The following RNF216 variants were observed in gnomAD, a reference collection of about 807,000 sequenced individuals.
RNF216 encodes the protein E3 ubiquitin-protein ligase RNF216.
In RNF216, 72 loss-of-function variants were observed where a neutral mutation model predicts 110.8. The observed-to-expected ratio is 0.65, with a 90% CI of 0.54 to 0.79. RNF216 has a LOEUF of 0.79. Among genes scored for constraint, RNF216 ranks in the 30% least tolerant of loss-of-function variants. RNF216 has a pLI of 0.00. For synonymous variants in RNF216, 495 were observed against 407.5 expected (o/e 1.21, Z -2.59); for missense variants, 1,342 against 1,141.2 (o/e 1.18, Z -2.54).
chr7:5,678,350 G>C (rs939598998), intron 13 of RNF216, among the ~76,000 whole-genome samples: 3 of 152,204 alleles, frequency 2.0e-5, no homozygotes, highest in Admixed American at 1.3e-4. Flanking sequence ...TTCATAAACA[G>C]GATCAGAAGA....
chr7:5,766,149 G>T (rs866397089), intron 1 of RNF216, among the ~76,000 whole-genome samples: 1 of 151,794 alleles, frequency 6.6e-6, no homozygotes, highest in Admixed American at 6.6e-5. Flanking sequence ...AACTAGCTGC[G>T]CGGGGTGGCA....
At chr7:5,735,233 T>C (rs753056209) in intron 5 of RNF216, among the ~76,000 whole-genome samples, 9 of 152,140 alleles carry the variant, frequency 5.9e-5, no homozygotes, top group Non-Finnish European at 1.2e-4. Context: ...ACACTGCCCT[T>C]GGGGACTTGA....
rs1786569693 is a variant in RNF216, at chr7:5,624,225, C to T, written c.2383-100G>A. 4 of 976,214 alleles carry T rather than the reference C, an allele frequency of 4.1e-6. No homozygotes were observed. Among genetic ancestry groups the T allele is most frequent in the Non-Finnish European group, 6.3e-6 (4 of 639,684 alleles). 60.5% of individuals were successfully genotyped at this position (976,214 alleles called of 1,614,324 possible). On this transcript the variant is annotated intron_variant, in intron 15 of 16. Transcript: ENST00000389902. The surrounding 1 kb of genome is among the most constrained non-coding windows in gnomAD (Gnocchi z 4.4). ...CCGCTTGTTGCTTATGGCCATGGAA[C>T]AAGCCCGAAGCCTGCTGCTGGCCAG...
chr7:5,698,877 C>G (rs2128619492), intron 13 of RNF216, among the ~76,000 whole-genome samples: 1 of 152,240 alleles, frequency 6.6e-6, no homozygotes, highest in Admixed American at 6.5e-5. Context: ...TTATGTTGCA[C>G]ATTTTCTCAT....
chr7:5,772,378 C>G (rs1045302035), intron 1 of RNF216, among the ~76,000 whole-genome samples: 11 of 152,126 alleles, frequency 7.2e-5, no homozygotes, highest in African/African-American at 1.4e-4. Context: ...AAAAACTAGA[C>G]AAGAAAGAAT....
At chr7:5,668,804 C>T (rs1356779133) in intron 13 of RNF216, among the ~76,000 whole-genome samples, 1 of 152,202 alleles carries the variant, frequency 6.6e-6, no homozygotes, top group Non-Finnish European at 1.5e-5. Context: ...CCTTCATTCT[C>T]CTGGTTCACA....
chr7:5,776,005 T>C (rs1796754768), intron 1 of RNF216, among the ~76,000 whole-genome samples: 1 of 152,160 alleles, frequency 6.6e-6, no homozygotes, highest in African/African-American at 2.4e-5. Context: ...TTGTTTTTCA[T>C]TCAAATACCA....
At chr7:5,774,111 A>T (rs966479241) in intron 1 of RNF216, among the ~76,000 whole-genome samples, 22 of 152,244 alleles carry the variant, frequency 1.4e-4, no homozygotes, top group African/African-American at 5.3e-4. Flanking sequence ...AAGTCTCTGT[A>T]TCAGGTCATT....
intron 1 of RNF216, among the ~76,000 whole-genome samples, chr7:5,769,677 T>A (rs1796391773): frequency 6.6e-6 from 1 of 151,112 alleles, no homozygotes; most frequent in South Asian, 2.1e-4. Context: ...TAAGCTAAGA[T>A]CACACCACTG....
intron 1 of RNF216, among the ~76,000 whole-genome samples, chr7:5,765,757 A>G (rs1280156483): frequency 2.7e-5 from 4 of 149,738 alleles, no homozygotes; most frequent in Non-Finnish European, 5.9e-5. Context: ...AGCCTGGGCA[A>G]CACAGTGAAA....
rs774687563 is a variant in RNF216, at chr7:5,740,999, G to C, written c.1018C>G (p.Leu340Val). 1 of 1,608,896 alleles carries C rather than the reference G, an allele frequency of 6.2e-7. No homozygotes were observed. The highest frequency in any genetic ancestry group is 1.3e-5 in the African/African-American group (1 of 74,370). ...GTTTCTTTCACTAGTAGTTCAACGA[G>C]CTCTTGATCTACCTCTGCAGCTTCT... is the stretch of plus-strand genomic sequence containing the variant. ...GQEAAEVDQE[L>V]VELLVKETEA... is the part of the protein sequence containing the mutation. The change falls in exon 4 of 17, where the codon CTC (leucine) becomes GTC (valine). Residue 340 changes from leucine to valine, a missense_variant. Transcript: ENST00000389902.
chr7:5,715,410 T>C (rs940429480), intron 10 of RNF216, among the ~76,000 whole-genome samples: 2 of 152,222 alleles, frequency 1.3e-5, no homozygotes, highest in South Asian at 4.1e-4. Flanking sequence ...GAGGTTTTCG[T>C]GTTTTTTTTC....
At chr7:5,673,452 G>T (rs1284553026) in intron 13 of RNF216, among the ~76,000 whole-genome samples, 1 of 152,212 alleles carries the variant, frequency 6.6e-6, no homozygotes, top group Non-Finnish European at 1.5e-5. Flanking sequence ...AGACTAACAA[G>T]AGTGACAAAG....
intron 1 of RNF216, among the ~76,000 whole-genome samples, chr7:5,768,348 C>CAT (rs1554266200): frequency 8.9e-6 from 1 of 111,920 alleles, no homozygotes; most frequent in Admixed American, 9.0e-5. Context: ...CAGGCAAATA[C>CAT]ACACACACAC....
rs1008184568 is a variant in RNF216, at chr7:5,680,172, C to T, written c.2062-27662G>A. Among the ~76,000 whole-genome samples the T allele has an allele frequency of 2.0e-5, 3 of 152,210 alleles. No individual in the cohort carries two copies. The highest frequency in any genetic ancestry group is 7.2e-5 in the African/African-American group (3 of 41,456). On this transcript the variant is annotated intron_variant, in intron 13 of 16. Coordinates refer to ENST00000389902, the MANE Select transcript of RNF216 (RefSeq NM_207111.4). The surrounding 1 kb of genome is among the most constrained non-coding windows in gnomAD (Gnocchi z 4.3). Reference sequence around the variant, plus strand: ...TGAAGCTTCCAGCCTCCTCAGAGCTCGCCCTGGAAACACACGCTCCCCTCT... The same window carrying T: ...TGAAGCTTCCAGCCTCCTCAGAGCTTGCCCTGGAAACACACGCTCCCCTCT...
intron 13 of RNF216, among the ~76,000 whole-genome samples, chr7:5,686,448 TCA>T (rs1400753044): frequency 6.6e-6 from 1 of 152,078 alleles, no homozygotes; most frequent in East Asian, 1.9e-4. Flanking sequence ...GTGCGGACAG[TCA>T]CACAGTGGTG....
intron 13 of RNF216, among the ~76,000 whole-genome samples, chr7:5,686,105 C>T (rs1790966110): frequency 6.6e-6 from 1 of 151,736 alleles, no homozygotes; most frequent in Non-Finnish European, 1.5e-5. Context: ...CGTCTGTAAT[C>T]CCAGCTATTC....
intron 13 of RNF216, among the ~76,000 whole-genome samples, chr7:5,677,918 GCCCCAGC>G (rs1790407932): frequency 6.6e-6 from 1 of 152,202 alleles, no homozygotes; most frequent in African/African-American, 2.4e-5. Flanking sequence ...TACATACACA[GCCCCAGC>G]CCTGTTATTA....
At chr7:5,677,995 G>C (rs1389398893) in intron 13 of RNF216, among the ~76,000 whole-genome samples, 2 of 152,058 alleles carry the variant, frequency 1.3e-5, no homozygotes, top group Non-Finnish European at 2.9e-5. Flanking sequence ...GGGGTAACCA[G>C]ATTTTGCGAC....
Sources: allele counts gnomAD v4.1 joint callset (sites outside exome capture counted in the v4.1 genomes callset), GRCh38; gene constraint gnomAD v4.1.1; non-coding constraint Gnocchi (gnomAD v3.1); transcripts MANE v1.5; gene names NCBI Gene and HGNC (gene_info 2026-07-23, HGNC 2026-07-21).